The following CD6 variants were observed in gnomAD, a reference collection of about 807,000 sequenced individuals.
CD6 encodes CD6 molecule.
A neutral mutation model predicts 75.3 loss-of-function variants in CD6; 53 were observed. The observed-to-expected ratio is 0.70, with a 90% confidence interval of 0.56 to 0.88. CD6 has a LOEUF of 0.88. CD6 is among the 40% of genes least tolerant of loss of function. CD6 has a pLI of 0.00. For missense variants in CD6, 770 were observed against 897.1 expected, an observed-to-expected ratio of 0.86 and a Z score of 1.81; for synonymous variants, 359 against 381.5, an observed-to-expected ratio of 0.94 and a Z score of 0.69.
chr11:60,979,810 G>A (rs1035873981), intron 1 of CD6, among the ~76,000 whole-genome samples: 1 of 152,118 alleles, frequency 6.6e-6, no homozygotes, highest in Non-Finnish European at 1.5e-5. Context: ...TACCTGCTGA[G>A]TACCAGGCCC....
intron 1 of CD6, among the ~76,000 whole-genome samples, chr11:60,977,519 G>A (rs896030803): frequency 6.6e-6 from 1 of 152,236 alleles, no homozygotes. Context: ...TCAGAGCATG[G>A]TAAGTTATCC....
At chr11:61,005,751 G>A (rs1858816469) in intron 1 of CD6, among the ~76,000 whole-genome samples, 1 of 152,128 alleles carries the variant, frequency 6.6e-6, no homozygotes, top group Non-Finnish European at 1.5e-5. Flanking sequence ...GACCAACATG[G>A]AGAAACCCCG....
chr11:61,007,900 C>A lies in CD6; in HGVS notation c.459C>A (p.Val153=). ...GCAGCGACGGGAGGCGGGCCCGTGT[C>A]ACCTGTGCAGGTACGAGCGCACCCC... ...ACRSDGRRAR[V]TCAENRALRL... The change falls in exon 3 of 13, where the codon GTC becomes GTA. Residue 153 remains valine, a synonymous_variant. Coordinates refer to ENST00000313421, the MANE Select transcript of CD6 (RefSeq NM_006725.5). The surrounding 1 kb of genome is among the most constrained non-coding windows in gnomAD (Gnocchi z 4.2). The A allele has an allele frequency of 7.3e-7, 1 of 1,363,184 alleles. No individual in the cohort carries two copies. Among genetic ancestry groups the A allele is most frequent in the South Asian group, 1.8e-5 (1 of 57,072 alleles). 84.4% of individuals were successfully genotyped at this position (1,363,184 alleles called of 1,614,324 possible).
At chr11:60,987,012 C>T (rs1490981052) in intron 1 of CD6, among the ~76,000 whole-genome samples, 3 of 152,232 alleles carry the variant, frequency 2.0e-5, no homozygotes, top group South Asian at 2.1e-4. Context: ...CCTGTAATCC[C>T]GGCTACTCAG....
At chr11:60,994,162 C>G (rs565344715) in intron 1 of CD6, among the ~76,000 whole-genome samples, 1 of 151,966 alleles carries the variant, frequency 6.6e-6, no homozygotes, top group East Asian at 1.9e-4. Flanking sequence ...AATTTCTGGC[C>G]GGGCGCGGTG....
rs140997087 is a variant in CD6, at chr11:60,997,061, A to T, written c.50-9513A>T. Among the ~76,000 whole-genome samples, 398 of 152,272 alleles carry T rather than the reference A, an allele frequency of 2.6e-3. 2 individuals are homozygous for T. The highest frequency in any genetic ancestry group is 2.8e-3 in the Admixed American group (43 of 15,292). On this transcript the variant is annotated intron_variant, in intron 1 of 12. Transcript: ENST00000313421. Reference sequence around the variant, plus strand: ...CCCCATACAGCACTGTCTGATGTCAATATGTGAGTCACATTTATAATTTTA... The same window carrying T: ...CCCCATACAGCACTGTCTGATGTCATTATGTGAGTCACATTTATAATTTTA...
chr11:61,019,123 A>C, intron 12 of CD6, 131 bp from the exon 13 acceptor site: 1 of 643,234 alleles, frequency 1.6e-6, no homozygotes, highest in South Asian at 1.8e-5. Context: ...GGCCGGAAGC[A>C]AGATGATCAG....
rs1053674638 is a variant in CD6, at chr11:61,007,380, G to A, written c.119-180G>A. 2.3e-4 allele frequency among the ~76,000 whole-genome samples: 35 copies of A among 152,184 alleles called. No homozygotes were observed. The highest frequency in any genetic ancestry group is 8.2e-4 in the African/African-American group (34 of 41,454). ...CGGCTGACTCTAAGGAGAACCACAG[G>A]GTCAGGCCTCAAGGTGGGCTCAGGG... On this transcript the variant is annotated intron_variant, in intron 2 of 12. Coordinates refer to ENST00000313421, the MANE Select transcript of CD6 (RefSeq NM_006725.5). This position sits in a 1 kb window ranked among gnomAD's most constrained non-coding sequence, Gnocchi z 4.2.
chr11:60,977,981 T>C (rs1041979603), intron 1 of CD6, among the ~76,000 whole-genome samples: 1 of 152,218 alleles, frequency 6.6e-6, no homozygotes, highest in Non-Finnish European at 1.5e-5. Context: ...TGCTTTCCCT[T>C]TCCTCAAAAG....
At position 61,008,795 on chromosome 11, in the gene CD6, C is replaced by A; in HGVS notation, c.731C>A (p.Pro244Gln). The change falls in exon 4 of 13, where the codon CCA becomes CAA. Residue 244 changes from proline to glutamine, a missense_variant. Pro to Gln is a moderately conservative substitution (Grantham distance 76). Transcript: ENST00000313421. ...TACCTGTGGGACTGCCCGGGGCTGC[C>A]AGGACAGCACTACTGCGGCCACAAA... ...EAYLWDCPGL[P>Q]GQHYCGHKED... 6.3e-7 allele frequency: 1 copy of A among 1,585,580 alleles called. No homozygotes were observed. The highest frequency in any genetic ancestry group is 2.3e-5 in the East Asian group (1 of 44,358).
In CD6 at chr11:60,973,953, C is replaced by T. The variant is rs1039979240; in HGVS notation, c.49+2039C>T. Reference sequence around the variant, plus strand: ...GACACTGAGCTGCTACACTCCAGGCCTCCCTGAGCTTTTCTTCCTCTGTGT... The same window carrying T: ...GACACTGAGCTGCTACACTCCAGGCTTCCCTGAGCTTTTCTTCCTCTGTGT... On this transcript the variant is annotated intron_variant, in intron 1 of 12. Transcript: ENST00000313421. Among the ~76,000 whole-genome samples, 12 of 152,150 alleles carry T rather than the reference C, an allele frequency of 7.9e-5. No homozygotes were observed. In the East Asian group the frequency reaches 2.3e-3, roughly 29 times the overall value.
intron 1 of CD6, among the ~76,000 whole-genome samples, chr11:60,983,666 A>G (rs1857680197): frequency 1.3e-5 from 2 of 151,734 alleles, no homozygotes; most frequent in African/African-American, 4.8e-5. Context: ...ATTTTCTTAC[A>G]TAACCACAGT....
At chr11:61,000,325 T>TA (rs1858524118) in intron 1 of CD6, among the ~76,000 whole-genome samples, 4 of 93,786 alleles carry the variant, frequency 4.3e-5, no homozygotes, top group African/African-American at 1.5e-4. Context: ...ATTTTTTTTT[T>TA]TAACTATACT....
At chr11:61,002,999 C>T (rs1242445431) in intron 1 of CD6, among the ~76,000 whole-genome samples, 1 of 146,466 alleles carries the variant, frequency 6.8e-6, no homozygotes, top group Non-Finnish European at 1.5e-5. Flanking sequence ...CAGTCTCGCT[C>T]TGTTGGCCAG....
chr11:61,007,242 C>T lies in CD6; in HGVS notation c.119-318C>T, dbSNP rs746768125. On this transcript the variant is annotated intron_variant, in intron 2 of 12. Transcript: ENST00000313421. The surrounding 1 kb of genome is among the most constrained non-coding windows in gnomAD (Gnocchi z 4.2). ...TGAACTCACAACTCTGCCTTTCTTT[C>T]ACAAACGGGTGCCCCTGGAGACAGG... 1.2e-4 allele frequency among the ~76,000 whole-genome samples: 19 copies of T among 152,176 alleles called. No homozygotes were observed. The highest frequency in any genetic ancestry group is 2.1e-4 in the Non-Finnish European group (14 of 68,026).
At chr11:60,990,095 A>T (rs1309896184) in intron 1 of CD6, among the ~76,000 whole-genome samples, 1 of 152,236 alleles carries the variant, frequency 6.6e-6, no homozygotes, top group Non-Finnish European at 1.5e-5. Context: ...AAACAGAAAA[A>T]TTTAAAAATT....
At chr11:60,986,108 C>T (rs866671144) in intron 1 of CD6, among the ~76,000 whole-genome samples, 1 of 152,156 alleles carries the variant, frequency 6.6e-6, no homozygotes, top group Non-Finnish European at 1.5e-5. Flanking sequence ...TACTCACCCT[C>T]GGTATCACTC....
At chr11:61,004,618 C>T (rs2237997) in intron 1 of CD6, 100,782 of 152,158 alleles carry the variant, frequency 0.66, 33,663 homozygotes, top group Admixed American at 0.74. Flanking sequence ...GGGGTATGTC[C>T]GTGGAATCTG....
chr11:61,003,901 G>A (rs550634703), intron 1 of CD6, among the ~76,000 whole-genome samples: 13 of 151,948 alleles, frequency 8.6e-5, no homozygotes, highest in South Asian at 8.5e-4. Context: ...GATAGGGGAT[G>A]GGAGAATGCT....
Sources: allele counts gnomAD v4.1 joint callset (sites outside exome capture counted in the v4.1 genomes callset), GRCh38; gene constraint gnomAD v4.1.1; non-coding constraint Gnocchi (gnomAD v3.1); transcripts MANE v1.5; gene names NCBI Gene and HGNC (gene_info 2026-07-23, HGNC 2026-07-21).